MAPK14: variants seen among roughly 807,000 people sequenced by gnomAD.
MAPK14 encodes mitogen-activated protein kinase 14.
Under a neutral mutation model 49.6 loss-of-function variants are expected in MAPK14, and 16 were observed. That is an observed-to-expected ratio of 0.32 (90% CI 0.22 to 0.49). The LOEUF (loss-of-function observed/expected upper bound fraction) is 0.49. Among genes scored for constraint, MAPK14 ranks in the 20% least tolerant of loss-of-function variants. The pLI is 0.99. For missense variants in MAPK14, 200 were observed against 441.2 expected, an observed-to-expected ratio of 0.45 and a Z score of 4.90; for synonymous variants, 142 against 158.0, an observed-to-expected ratio of 0.90 and a Z score of 0.76.
At chr6:36,037,125 C>T (rs56413204) in intron 1 of MAPK14, among the ~76,000 whole-genome samples, 18,931 of 152,062 alleles carry the variant, frequency 0.12, 1,337 homozygotes, top group African/African-American at 0.2. Flanking sequence ...ACTACAGTAT[C>T]ATGTAAATAT....
At chr6:36,123,648 A>T in the MAPK14 span, among the ~76,000 whole-genome samples, 1 of 152,264 alleles carries the variant, frequency 6.6e-6, no homozygotes. Flanking sequence ...CAGGGGGCTC[A>T]GCAGTGGCCA....
At chr6:36,118,590 G>T in the MAPK14 span, among the ~76,000 whole-genome samples, 4 of 152,188 alleles carry the variant, frequency 2.6e-5, no homozygotes, top group Non-Finnish European at 5.9e-5. Context: ...TGATCAGCTG[G>T]CTCCACTGTG....
intron 3 of MAPK14, among the ~76,000 whole-genome samples, chr6:36,065,547 T>TGTGTGTGTGTGTGTGTGTGTGTGTG: frequency 6.9e-6 from 1 of 145,320 alleles, no homozygotes. Flanking sequence ...TGTGTGTGTG[T>TGTGTGTGTGTGTGTGTGTGTGTGTG]TTGGTGGGAA....
intron 8 of MAPK14, among the ~76,000 whole-genome samples, chr6:36,093,340 C>T (rs1333819590): frequency 2.0e-5 from 3 of 152,012 alleles, no homozygotes; most frequent in Non-Finnish European, 4.4e-5. Flanking sequence ...ATGGAAATTG[C>T]GTATTCTTCA....
chr6:36,052,862 A>G (rs1346639836), intron 2 of MAPK14, 34 bp downstream of exon 2: 1 of 1,577,664 alleles, frequency 6.3e-7, no homozygotes, highest in Non-Finnish European at 8.7e-7. Context: ...ATACATTTTG[A>G]TCTTGAATAG....
At chr6:36,065,769 C>T (rs758202348) in intron 3 of MAPK14, among the ~76,000 whole-genome samples, 17 of 152,072 alleles carry the variant, frequency 1.1e-4, no homozygotes, top group Non-Finnish European at 2.1e-4. Flanking sequence ...CACACAAACA[C>T]ATTCCATAGT....
At chr6:36,102,163 A>G (rs564986394) in intron 9 of MAPK14, among the ~76,000 whole-genome samples, 152 of 152,370 alleles carry the variant, frequency 1.0e-3, no homozygotes, top group Admixed American at 3.1e-3. Flanking sequence ...TACTGAAGTC[A>G]GCACTGTCAA....
chr6:36,071,782 A>G (rs1764285575), intron 3 of MAPK14, among the ~76,000 whole-genome samples: 1 of 152,186 alleles, frequency 6.6e-6, no homozygotes, highest in Non-Finnish European at 1.5e-5. Context: ...TATACTATAT[A>G]TTTGTCATGC....
At chr6:36,042,013 G>C (rs545363350) in intron 1 of MAPK14, among the ~76,000 whole-genome samples, 1 of 150,840 alleles carries the variant, frequency 6.6e-6, no homozygotes, top group South Asian at 2.1e-4. Flanking sequence ...TATTTGGAGA[G>C]AAGAAAAGGA....
intron 3 of MAPK14, among the ~76,000 whole-genome samples, chr6:36,066,492 A>G (rs1764062710): frequency 6.6e-6 from 1 of 152,160 alleles, no homozygotes. Flanking sequence ...GACAACTTAC[A>G]GGGTGCTGCA....
intron 1 of MAPK14, among the ~76,000 whole-genome samples, chr6:36,032,758 T>G (rs1255906423): frequency 6.6e-6 from 1 of 152,242 alleles, no homozygotes; most frequent in Non-Finnish European, 1.5e-5. Flanking sequence ...GTGGGTTTAA[T>G]AACTACATTT....
At chr6:36,105,364 T>C (rs1338979425) in intron 10 of MAPK14, among the ~76,000 whole-genome samples, 1 of 152,046 alleles carries the variant, frequency 6.6e-6, no homozygotes, top group Non-Finnish European at 1.5e-5. Context: ...CTCTTCCCTA[T>C]CCCAAGTAGC....
rs975751428 is a variant in MAPK14 at position 36,052,604 on chromosome 6, T to C, written c.117-95T>C. ...TATGCTTTTTTTTGGTATTTTGTTA[T>C]AGACCCTTTAATTTGGAAATAGCCT... On this transcript the variant is annotated intron_variant, in intron 1 of 11. Transcript: ENST00000229794. 9.4e-6 allele frequency: 11 copies of C among 1,168,924 alleles called. No homozygotes were observed. The African/African-American group carries it at 1.7e-4, about 18-fold the overall frequency. 72.4% of individuals were successfully genotyped at this position (1,168,924 alleles called of 1,614,324 possible).
At chr6:36,036,438 T>C (rs975615960) in intron 1 of MAPK14, among the ~76,000 whole-genome samples, 4 of 152,190 alleles carry the variant, frequency 2.6e-5, no homozygotes, top group African/African-American at 9.7e-5. Context: ...TTTGAGAGGA[T>C]TGACTCCCAT....
Position 36,054,584 on chromosome 6 carries a change from A to G in MAPK14, c.246+1756A>G, listed in dbSNP as rs756792597. ...TTGTTATTTAAACAAAATAAGGCACATGGCTGAATGTCTCATAGTTCTCTA... is the reference window on the plus strand; with the variant it reads ...TTGTTATTTAAACAAAATAAGGCACGTGGCTGAATGTCTCATAGTTCTCTA... On this transcript the variant is annotated intron_variant, in intron 2 of 11. Transcript: ENST00000229794. Among the ~76,000 whole-genome samples the G allele has an allele frequency of 1.0e-4, 16 of 152,386 alleles. No individual in the cohort carries two copies. In the East Asian group the frequency reaches 2.9e-3, roughly 28 times the overall value.
Position 36,108,465 on chromosome 6 carries a change from T to C in MAPK14, c.*18T>C. On this transcript the variant is annotated 3_prime_UTR_variant, in exon 12 of 12. Transcript: ENST00000229794. ...AGTCCTGAGCACCTGGTTTCTGTTC[T>C]GTTGATCCCACTTCACTGTGAGGGG... 1 of 1,604,350 alleles carries C rather than the reference T, an allele frequency of 6.2e-7. No individual in the cohort carries two copies. Among genetic ancestry groups the C allele is most frequent in the Non-Finnish European group, 8.5e-7 (1 of 1,171,072 alleles).
rs916298212 is a variant in MAPK14 at position 36,103,785 on chromosome 6, T to C, written c.841+1136T>C. Among the ~76,000 whole-genome samples the C allele has an allele frequency of 1.8e-4, 27 of 152,210 alleles. 1 individual carries two copies. Among genetic ancestry groups the C allele is most frequent in the Non-Finnish European group, 5.9e-5 (4 of 68,024 alleles). ...CAGAAGGATCAGACCAGGACCTCCC[T>C]ACAATAGGGAAGGGAGCTATGCTAT... On this transcript the variant is annotated intron_variant, in intron 10 of 11. Coordinates refer to ENST00000229794, the MANE Select transcript of MAPK14 (RefSeq NM_139012.3).
intron 1 of MAPK14, chr6:36,029,063 A>G (rs1762432006): frequency 6.6e-6 from 1 of 152,104 alleles, no homozygotes; most frequent in Non-Finnish European, 1.5e-5. Flanking sequence ...CTGCTCATTT[A>G]AGTATTGTTC....
At chr6:36,054,064 T>C (rs1397881679) in intron 2 of MAPK14, among the ~76,000 whole-genome samples, 1 of 151,702 alleles carries the variant, frequency 6.6e-6, no homozygotes, top group African/African-American at 2.4e-5. Flanking sequence ...TTACAAGAAG[T>C]TGAGATATGC....
Sources: allele counts gnomAD v4.1 joint callset (sites outside exome capture counted in the v4.1 genomes callset), GRCh38; gene constraint gnomAD v4.1.1; transcripts MANE v1.5; gene names NCBI Gene and HGNC (gene_info 2026-07-23, HGNC 2026-07-21).